NREP: variants seen among roughly 807,000 people sequenced by gnomAD.
NREP encodes the protein neuronal regeneration-related protein.
In NREP, 5 loss-of-function variants were observed where a neutral mutation model predicts 8.6. That is an observed-to-expected ratio of 0.58 (90% confidence interval 0.30 to 1.22). NREP has a LOEUF of 1.22. Ranked by LOEUF, NREP falls within the 50% of genes most tolerant of loss-of-function variation. NREP has a pLI of 0.07. For missense variants in NREP, 86 were observed against 82.5 expected (o/e 1.04, Z -0.17); for synonymous variants, 27 against 28.0 (o/e 0.96, Z 0.11).
intron 2 of NREP, among the ~76,000 whole-genome samples, chr5:111,882,644 C>G (rs1157717108): frequency 1.3e-5 from 2 of 152,192 alleles, no homozygotes; most frequent in African/African-American, 4.8e-5. Context: ...GGCAGAAACT[C>G]TACAAGCCAG....
chr5:111,819,056 T>C (rs1752457136), intron 2 of NREP, among the ~76,000 whole-genome samples: 1 of 152,220 alleles, frequency 6.6e-6, no homozygotes, highest in African/African-American at 2.4e-5. Flanking sequence ...AGCTCTCTTA[T>C]TCTTTGATTC....
At chr5:111,937,914 C>T (rs1420463437) in intron 2 of NREP, among the ~76,000 whole-genome samples, 2 of 152,060 alleles carry the variant, frequency 1.3e-5, no homozygotes, top group African/African-American at 2.4e-5. Context: ...TGACCTCCAA[C>T]TTATGCCTGC....
intron 2 of NREP, among the ~76,000 whole-genome samples, chr5:111,804,273 G>A (rs1752085124): frequency 6.6e-6 from 1 of 152,152 alleles, no homozygotes; most frequent in Non-Finnish European, 1.5e-5. Context: ...TCAAAACACT[G>A]GAGGAATAGA....
chr5:111,747,374 A>C (rs1750074946), intron 2 of NREP, among the ~76,000 whole-genome samples: 1 of 152,130 alleles, frequency 6.6e-6, no homozygotes, highest in African/African-American at 2.4e-5. Flanking sequence ...ACTTTTGTAG[A>C]TTTCTCCTTG....
chr5:111,774,290 A>G (rs1208662818), intron 2 of NREP, among the ~76,000 whole-genome samples: 1 of 151,922 alleles, frequency 6.6e-6, no homozygotes, highest in Admixed American at 6.6e-5. Flanking sequence ...GAAGGGAGAG[A>G]AGAAGGGAAA....
At chr5:111,947,276 A>T (rs1394037763) in intron 2 of NREP, among the ~76,000 whole-genome samples, 3 of 152,028 alleles carry the variant, frequency 2.0e-5, no homozygotes, top group Non-Finnish European at 4.4e-5. Flanking sequence ...TAGAGAAAAA[A>T]CCTTTTTGAT....
In NREP at chr5:111,858,155, G is replaced by T. The variant is rs1006504881; in HGVS notation, c.135+117119C>A. On this transcript the variant is annotated intron_variant, in intron 2 of 3. Coordinates refer to the NREP transcript ENST00000395634. ...ATGCTCATTTTTATGTATTACACCA[G>T]ACCTACTGAGTCTGAAACTCTGGAG... 2.0e-5 allele frequency among the ~76,000 whole-genome samples: 3 copies of T among 152,196 alleles called. No individual in the cohort carries two copies. In the South Asian group the frequency reaches 6.2e-4, roughly 32 times the overall value.
intron 3 of NREP, chr5:111,734,592 A>AACT: frequency 2.1e-6 from 1 of 474,408 alleles, no homozygotes; most frequent in South Asian, 4.3e-5. Flanking sequence ...TAAGATAGGG[A>AACT]ATTGTTGATA....
At chr5:111,821,411 A>G (rs1432439264) in intron 2 of NREP, among the ~76,000 whole-genome samples, 1 of 152,218 alleles carries the variant, frequency 6.6e-6, no homozygotes, top group African/African-American at 2.4e-5. Flanking sequence ...TTTCAAATCA[A>G]GCATGTGTAC....
intron 2 of NREP, among the ~76,000 whole-genome samples, chr5:111,741,205 G>C (rs1749628271): frequency 6.6e-6 from 1 of 152,112 alleles, no homozygotes. Flanking sequence ...GGCAGCACGG[G>C]TCCAACCTGT....
intron 2 of NREP, among the ~76,000 whole-genome samples, chr5:111,879,618 T>G (rs1753997592): frequency 1.3e-5 from 2 of 152,168 alleles, no homozygotes; most frequent in Admixed American, 6.5e-5. Flanking sequence ...GCTAAATGAA[T>G]CTTTGTTGGT....
intron 2 of NREP, among the ~76,000 whole-genome samples, chr5:111,804,173 C>T (rs965997617): frequency 1.3e-5 from 2 of 152,064 alleles, no homozygotes; most frequent in African/African-American, 2.4e-5. Flanking sequence ...TAGTGTGGTA[C>T]TAGCACATGA....
chr5:111,835,879 T>A (rs114508168), intron 2 of NREP, among the ~76,000 whole-genome samples: 4 of 152,214 alleles, frequency 2.6e-5, no homozygotes, highest in Non-Finnish European at 4.4e-5. Flanking sequence ...GAAAGGCTAG[T>A]CTGAGACTGA....
At position 111,946,793 on chromosome 5, in the gene NREP, C is replaced by A. The variant is rs555809935; in HGVS notation, c.135+28481G>T. Among the ~76,000 whole-genome samples the A allele has an allele frequency of 2.0e-5, 3 of 152,146 alleles. No individual in the cohort carries two copies. In the East Asian group the frequency reaches 5.8e-4, roughly 29 times the overall value. ...GGGCAGAATTAGGCCAATCAGGAAC[C>A]CTGCTAGGAGAAGATCAGGTCTATA... On this transcript the variant is annotated intron_variant, in intron 2 of 3. Transcript: ENST00000395634.
chr5:111,789,073 C>T (rs1273650508), intron 2 of NREP, among the ~76,000 whole-genome samples: 1 of 152,142 alleles, frequency 6.6e-6, no homozygotes, highest in African/African-American at 2.4e-5. Flanking sequence ...ACCTCCATAA[C>T]TGTGTGAGCC....
intron 2 of NREP, among the ~76,000 whole-genome samples, chr5:111,867,356 G>A (rs564365665): frequency 3.3e-4 from 50 of 152,192 alleles, no homozygotes; most frequent in Non-Finnish European, 3.2e-4. Context: ...TTCCTGCTGT[G>A]TGCTCACATG....
intron 2 of NREP, among the ~76,000 whole-genome samples, chr5:111,752,648 C>T (rs1750436531): frequency 6.6e-6 from 1 of 152,168 alleles, no homozygotes; most frequent in Non-Finnish European, 1.5e-5. Context: ...ATGAATGGTA[C>T]AATGGAGTCA....
At chr5:111,864,585 T>A (rs932632649) in intron 2 of NREP, among the ~76,000 whole-genome samples, 3 of 151,834 alleles carry the variant, frequency 2.0e-5, no homozygotes, top group African/African-American at 7.3e-5. Flanking sequence ...AATCTGAAAA[T>A]AATGTATTTT....
At chr5:111,976,103 G>C (rs1179771279) in intron 1 of NREP, among the ~76,000 whole-genome samples, 1 of 152,020 alleles carries the variant, frequency 6.6e-6, no homozygotes, top group African/African-American at 2.4e-5. Context: ...ATATTGTTTT[G>C]AGATCTAACA....
Sources: gnomAD v4.1 joint callset for allele counts (sites outside exome capture counted in the v4.1 genomes callset) on GRCh38, gnomAD v4.1.1 for gene constraint, MANE v1.5 for transcripts, NCBI Gene and HGNC (gene_info 2026-07-23, HGNC 2026-07-21) for gene names.